The following RAD51B variants were observed in gnomAD, a reference collection of about 807,000 sequenced individuals.
RAD51B encodes the protein DNA repair protein RAD51 homolog 2.
Under a neutral mutation model 42.2 loss-of-function variants are expected in RAD51B, and 38 were observed. The observed-to-expected ratio is 0.90, with a 90% CI of 0.70 to 1.18. The LOEUF (loss-of-function observed/expected upper bound fraction) is 1.18. Ranked by LOEUF, RAD51B falls within the 50% of genes most tolerant of loss-of-function variation. The probability of loss-of-function intolerance (pLI) is 0.00; values close to 1 mark genes in which losing one functional copy is unlikely to be tolerated. For synonymous variants in RAD51B, 154 were observed against 145.2 expected, an observed-to-expected ratio of 1.06 and a Z score of -0.43; for missense variants, 373 against 400.7, an observed-to-expected ratio of 0.93 and a Z score of 0.59.
intron 10 of RAD51B, among the ~76,000 whole-genome samples, chr14:68,567,254 G>A (rs61985816): frequency 1.2e-3 from 179 of 152,150 alleles, no homozygotes; most frequent in Non-Finnish European, 1.9e-3. Flanking sequence ...AGCCAAGATC[G>A]CGGCCACTGC....
rs56716579 is a variant in RAD51B, at chr14:68,591,541, CAAATCAACTTGAG to C, written c.1037-2943_1037-2931del. 1.4e-4 allele frequency among the ~76,000 whole-genome samples: 21 copies of C among 152,332 alleles called. 1 individual carries two copies. In the East Asian group the frequency reaches 3.9e-3, roughly 28 times the overall value. On this transcript the variant is annotated intron_variant, in intron 10 of 10. Coordinates refer to the RAD51B transcript ENST00000487270. ...TCGATATCCTTCCAATGACTCAAATCAAATCAACTTGAGGAGCCTGATGGGTCTGATGCTCTTC... is the reference window on the plus strand; with the variant it reads ...TCGATATCCTTCCAATGACTCAAATCGAGCCTGATGGGTCTGATGCTCTTC...
intron 5 of RAD51B, among the ~76,000 whole-genome samples, chr14:67,866,611 T>G (rs2042342991): frequency 6.6e-6 from 1 of 152,212 alleles, no homozygotes; most frequent in East Asian, 1.9e-4. Context: ...AGGAGGAAAC[T>G]GTTGCATGTT....
At chr14:68,093,508 C>G (rs2077139100) in intron 7 of RAD51B, among the ~76,000 whole-genome samples, 1 of 152,184 alleles carries the variant, frequency 6.6e-6, no homozygotes, top group Non-Finnish European at 1.5e-5. Flanking sequence ...ATAGTATTCT[C>G]TGATGTTAGT....
chr14:67,971,766 A>G (rs1366484612), intron 7 of RAD51B, among the ~76,000 whole-genome samples: 4 of 151,996 alleles, frequency 2.6e-5, no homozygotes, highest in Non-Finnish European at 5.9e-5. Context: ...TTCTCCAACT[A>G]CTATGTAAGC....
intron 7 of RAD51B, chr14:68,125,547 A>G (rs1182204869): frequency 6.6e-6 from 1 of 152,246 alleles, no homozygotes; most frequent in African/African-American, 2.4e-5. Flanking sequence ...CTGTGCTTGC[A>G]AGCTGAACTT....
chr14:68,107,965 G>A (rs2077401146), intron 7 of RAD51B, among the ~76,000 whole-genome samples: 1 of 151,666 alleles, frequency 6.6e-6, no homozygotes, highest in African/African-American at 2.4e-5. Context: ...AAAATATGGA[G>A]AACCCTTATA....
intron 7 of RAD51B, among the ~76,000 whole-genome samples, chr14:67,901,382 G>A (rs189737752): frequency 2.1e-4 from 32 of 152,308 alleles, no homozygotes; most frequent in Non-Finnish European, 3.8e-4. Context: ...CCTGGCATGA[G>A]GGTAAGTTCT....
chr14:68,025,273 T>TA (rs762828357), intron 7 of RAD51B, among the ~76,000 whole-genome samples: 3 of 152,064 alleles, frequency 2.0e-5, no homozygotes, highest in African/African-American at 4.8e-5. Context: ...TTTTTACACC[T>TA]ATGTTTATCA....
intron 7 of RAD51B, among the ~76,000 whole-genome samples, chr14:68,238,304 G>A (rs8012217): frequency 0.029 from 4,462 of 151,880 alleles, 220 homozygotes; most frequent in African/African-American, 0.1. Context: ...TTGTTTTGTT[G>A]TTTTTTTGTT....
intron 10 of RAD51B, chr14:68,627,247 A>C (rs562921200): frequency 5.3e-5 from 8 of 152,358 alleles, no homozygotes; most frequent in African/African-American, 1.9e-4. Flanking sequence ...TCCCAGCAGC[A>C]GTTGCCATGG....
intron 10 of RAD51B, among the ~76,000 whole-genome samples, chr14:68,559,130 T>C (rs544172750): frequency 1.3e-5 from 2 of 151,778 alleles, no homozygotes; most frequent in East Asian, 3.9e-4. Context: ...CATATATATA[T>C]ATACACACAA....
chr14:68,136,343 AGGCG>A (rs372344429), intron 7 of RAD51B, among the ~76,000 whole-genome samples: 89,968 of 139,474 alleles, frequency 0.65, 34,029 homozygotes, highest in East Asian at 0.86. Context: ...TGGGAGGCCA[AGGCG>A]GGCGGGTGGA....
At chr14:68,039,426 C>CA (rs754840073) in intron 7 of RAD51B, among the ~76,000 whole-genome samples, 8,781 of 62,986 alleles carry the variant, frequency 0.14, 859 homozygotes, top group African/African-American at 0.28. Context: ...GACTTCATTC[C>CA]AAAAAAAAAA....
At chr14:68,384,749 A>G (rs2083556841) in intron 8 of RAD51B, among the ~76,000 whole-genome samples, 1 of 152,218 alleles carries the variant, frequency 6.6e-6, no homozygotes, top group South Asian at 2.1e-4. Context: ...CTACATTTTA[A>G]GCAATCGTTA....
At chr14:68,520,891 G>A (rs1295595526) in intron 10 of RAD51B, among the ~76,000 whole-genome samples, 1 of 152,204 alleles carries the variant, frequency 6.6e-6, no homozygotes, top group Non-Finnish European at 1.5e-5. Flanking sequence ...AAAGAGAAAC[G>A]TCAATAGTCC....
chr14:68,569,586 T>TG (rs1889591292), intron 10 of RAD51B, among the ~76,000 whole-genome samples: 1 of 152,242 alleles, frequency 6.6e-6, no homozygotes, highest in African/African-American at 2.4e-5. Flanking sequence ...AGCTGCAATG[T>TG]GCTGTCATAT....
intron 10 of RAD51B, among the ~76,000 whole-genome samples, chr14:68,498,648 T>C (rs540052553): frequency 4.6e-5 from 7 of 152,274 alleles, no homozygotes; most frequent in Admixed American, 2.6e-4. Flanking sequence ...AAGTTATTCA[T>C]AGATGCTCTT....
At chr14:68,510,103 A>C (rs1885621435) in intron 10 of RAD51B, among the ~76,000 whole-genome samples, 1 of 152,068 alleles carries the variant, frequency 6.6e-6, no homozygotes. Flanking sequence ...CTTCAAGCCC[A>C]CTGCTGAGTG....
chr14:68,295,646 C>T (rs1273601989), intron 8 of RAD51B, among the ~76,000 whole-genome samples: 3 of 152,112 alleles, frequency 2.0e-5, no homozygotes, highest in East Asian at 1.9e-4. Context: ...AGAGATCTCT[C>T]GGTTGGGCCA....
Sources: gnomAD v4.1 joint callset for allele counts (sites outside exome capture counted in the v4.1 genomes callset) on GRCh38, gnomAD v4.1.1 for gene constraint, MANE v1.5 for transcripts, NCBI Gene and HGNC (gene_info 2026-07-23, HGNC 2026-07-21) for gene names.